TGFB2: variants seen among roughly 807,000 people sequenced by gnomAD.
TGFB2 encodes the protein transforming growth factor beta 2.
TGFB2 carries 13 observed loss-of-function variants against 42.7 expected under a neutral mutation model. That is an observed-to-expected ratio of 0.30 (90% CI 0.20 to 0.48). The LOEUF (loss-of-function observed/expected upper bound fraction) is 0.48. TGFB2 is among the 20% of genes least tolerant of loss of function. The pLI, the probability that TGFB2 is intolerant of heterozygous loss-of-function variation, is 0.99. For synonymous variants in TGFB2, 193 were observed against 193.6 expected, an observed-to-expected ratio of 1.00 and a Z score of 0.03; for missense variants, 390 against 517.5, an observed-to-expected ratio of 0.75 and a Z score of 2.39.
At chr1:218,411,951 C>A (rs754780836) in intron 2 of TGFB2, among the ~76,000 whole-genome samples, 17 of 151,926 alleles carry the variant, frequency 1.1e-4, no homozygotes, top group Admixed American at 6.6e-4. Flanking sequence ...TACAGGGCAG[C>A]CCAGATTCAA....
intron 6 of TGFB2, among the ~76,000 whole-genome samples, chr1:218,439,903 A>T (rs1366734283): frequency 6.6e-6 from 1 of 152,256 alleles, no homozygotes; most frequent in African/African-American, 2.4e-5. Flanking sequence ...TTAATAAAGT[A>T]GTCAGTGTTG....
intron 2 of TGFB2, among the ~76,000 whole-genome samples, chr1:218,419,435 A>G (rs1442337331): frequency 2.0e-5 from 3 of 152,036 alleles, no homozygotes; most frequent in East Asian, 1.9e-4. Flanking sequence ...CCTAGCCCCA[A>G]TGTCTACTGT....
At chr1:218,368,269 C>T (rs1571841459) in intron 1 of TGFB2, among the ~76,000 whole-genome samples, 1 of 152,024 alleles carries the variant, frequency 6.6e-6, no homozygotes. Flanking sequence ...CTGAATCTCC[C>T]GAGTAGCTGG....
intron 4 of TGFB2, 129 bp from the exon 5 acceptor site, chr1:218,435,839 CTG>C (rs1659952606): frequency 1.1e-6 from 1 of 869,820 alleles, no homozygotes; most frequent in Non-Finnish European, 1.8e-6. Context: ...TGGGGAATAA[CTG>C]TTGCCAGCTG....
chr1:218,381,552 C>T (rs545859131), intron 1 of TGFB2, among the ~76,000 whole-genome samples: 3 of 152,174 alleles, frequency 2.0e-5, no homozygotes, highest in Non-Finnish European at 4.4e-5. Flanking sequence ...CAGCGCCCGA[C>T]TGAAAGGCCA....
At chr1:218,364,311 G>T (rs763040199) in intron 1 of TGFB2, among the ~76,000 whole-genome samples, 1 of 152,192 alleles carries the variant, frequency 6.6e-6, no homozygotes, top group Non-Finnish European at 1.5e-5. Context: ...AGCACCAGGT[G>T]TTAGGCTGAG....
At chr1:218,352,516 A>G (rs1656903269) in intron 1 of TGFB2, among the ~76,000 whole-genome samples, 1 of 152,090 alleles carries the variant, frequency 6.6e-6, no homozygotes, top group South Asian at 2.1e-4. Flanking sequence ...ATGTTAGGGG[A>G]TTCTTTGATG....
At chr1:218,400,192 A>G (rs1008034932) in intron 1 of TGFB2, among the ~76,000 whole-genome samples, 1 of 151,966 alleles carries the variant, frequency 6.6e-6, no homozygotes, top group African/African-American at 2.4e-5. Context: ...TCCTTTTTCA[A>G]TATGAAAATA....
intron 2 of TGFB2, among the ~76,000 whole-genome samples, chr1:218,427,328 T>C (rs1187466484): frequency 2.6e-5 from 4 of 152,090 alleles, no homozygotes; most frequent in Non-Finnish European, 4.4e-5. Flanking sequence ...TTTTTTTTCT[T>C]CTTATTTATT....
At chr1:218,386,539 A>G (rs1571858800) in intron 1 of TGFB2, among the ~76,000 whole-genome samples, 1 of 152,330 alleles carries the variant, frequency 6.6e-6, no homozygotes, top group Admixed American at 6.5e-5. Context: ...GCTTTCTAAG[A>G]TGTGTCCTAC....
intron 1 of TGFB2, among the ~76,000 whole-genome samples, chr1:218,356,773 T>C (rs1657047803): frequency 6.6e-6 from 1 of 152,202 alleles, no homozygotes; most frequent in African/African-American, 2.4e-5. Flanking sequence ...GAGTCAAGGC[T>C]GAGGCAGGTC....
chr1:218,379,966 G>A (rs1349826371), intron 1 of TGFB2, among the ~76,000 whole-genome samples: 2 of 152,124 alleles, frequency 1.3e-5, no homozygotes, highest in Non-Finnish European at 2.9e-5. Flanking sequence ...TACCGATGCG[G>A]TGCTTCATAT....
intron 2 of TGFB2, among the ~76,000 whole-genome samples, chr1:218,418,135 C>A (rs989404351): frequency 6.6e-6 from 1 of 152,150 alleles, no homozygotes; most frequent in Admixed American, 6.5e-5. Flanking sequence ...CAGCTTGCAC[C>A]GTATGCCTGG....
At chr1:218,438,474 T>A (rs1276912703) in intron 6 of TGFB2, among the ~76,000 whole-genome samples, 4 of 152,224 alleles carry the variant, frequency 2.6e-5, no homozygotes, top group Non-Finnish European at 4.4e-5. Context: ...TAAGAAGGAA[T>A]GTCTGTATTA....
chr1:218,392,115 G>T (rs1030937440), intron 1 of TGFB2, among the ~76,000 whole-genome samples: 4 of 152,188 alleles, frequency 2.6e-5, no homozygotes, highest in Middle Eastern at 3.2e-3. Context: ...ACTTTGGGAG[G>T]CCAAGGTGGG....
At chr1:218,417,978 G>T (rs1038395825) in intron 2 of TGFB2, among the ~76,000 whole-genome samples, 1 of 152,226 alleles carries the variant, frequency 6.6e-6, no homozygotes, top group Non-Finnish European at 1.5e-5. Flanking sequence ...TAGGGGCAGG[G>T]TCCTCATGGA....
intron 1 of TGFB2, among the ~76,000 whole-genome samples, chr1:218,362,467 A>G (rs900257198): frequency 2.6e-5 from 4 of 152,226 alleles, no homozygotes; most frequent in African/African-American, 9.6e-5. Context: ...AAAAACCCTC[A>G]GAGGCAGGGT....
rs1656669487 is a variant in TGFB2, at chr1:218,346,197, A to G, written c.-505A>G. 1 of 158,408 alleles carries G rather than the reference A, an allele frequency of 6.3e-6. No homozygotes were observed. Among genetic ancestry groups the G allele is most frequent in the South Asian group, 1.9e-4 (1 of 5,328 alleles). The allele number at this position is 158,408 out of a possible 1,614,324, so 9.8% of individuals were successfully genotyped here. On this transcript the variant is annotated 5_prime_UTR_variant, in exon 1 of 7. Coordinates refer to ENST00000366930, the MANE Select transcript of TGFB2 (RefSeq NM_003238.6). The surrounding 1 kb of genome is among the most constrained non-coding windows in gnomAD (Gnocchi z 4.9). ...TCTTTAAATATATAAATTTCAGCCCAGGTCAGCCTCGGCGGCCCCCCTCAC... is the reference window on the plus strand; with the variant it reads ...TCTTTAAATATATAAATTTCAGCCCGGGTCAGCCTCGGCGGCCCCCCTCAC...
At chr1:218,397,641 T>C (rs1444436258) in intron 1 of TGFB2, among the ~76,000 whole-genome samples, 1 of 152,164 alleles carries the variant, frequency 6.6e-6, no homozygotes, top group Non-Finnish European at 1.5e-5. Flanking sequence ...TTCTGTCGTA[T>C]ATTTCAGCAG....
Sources: gnomAD v4.1 joint callset for allele counts (sites outside exome capture counted in the v4.1 genomes callset) on GRCh38, gnomAD v4.1.1 for gene constraint, Gnocchi (gnomAD v3.1) non-coding constraint, MANE v1.5 for transcripts, NCBI Gene and HGNC (gene_info 2026-07-23, HGNC 2026-07-21) for gene names.